FXN: variants seen among roughly 807,000 people sequenced by gnomAD.
FXN encodes frataxin, mitochondrial.
In FXN, 14 loss-of-function variants were observed where a neutral mutation model predicts 22.4. The ratio of observed to expected loss-of-function variants is 0.62; its 90% CI spans 0.41 to 0.98. The LOEUF (loss-of-function observed/expected upper bound fraction) is 0.98. Among genes scored for constraint, FXN ranks in the 50% least tolerant of loss-of-function variants. The pLI is 0.00. For synonymous variants in FXN, 120 were observed against 114.1 expected (o/e 1.05, Z -0.33); for missense variants, 267 against 268.4 (o/e 0.99, Z 0.04).
chr9:69,053,507 G>GGATGGATGGATGGATGGATGGATA (rs1191286626), intron 3 of FXN, among the ~76,000 whole-genome samples: 2 of 150,664 alleles, frequency 1.3e-5, no homozygotes, highest in African/African-American at 4.9e-5. Context: ...ATGGATGGAT[G>GGATGGATGGATGGATGGATGGATA]GATAGATAGA....
chr9:69,071,881 G>A (rs558580498), intron 4 of FXN, among the ~76,000 whole-genome samples: 1 of 152,184 alleles, frequency 6.6e-6, no homozygotes, highest in South Asian at 2.1e-4. Context: ...AAACAAAAAT[G>A]ATACAAATAA....
intron 1 of FXN, among the ~76,000 whole-genome samples, chr9:69,036,631 G>A (rs2133088501): frequency 6.6e-6 from 1 of 152,326 alleles, no homozygotes; most frequent in Middle Eastern, 3.4e-3. Context: ...TTTTCTGTAG[G>A]GAGAAGATAA....
chr9:69,073,854 C>A lies in FXN; in HGVS notation c.*1092C>A. The A allele has an allele frequency of 2.0e-6, 2 of 985,234 alleles. No individual in the cohort carries two copies. The highest frequency in any genetic ancestry group is 2.4e-6 in the Non-Finnish European group (2 of 829,852). 61.0% of individuals were successfully genotyped at this position (985,234 alleles called of 1,614,324 possible). A position where few individuals can be genotyped will look rare whatever the true frequency, so the allele number is the denominator to read the frequency against. Reference sequence around the variant, plus strand: ...ATAGGAAACATTGTTATTGGTGTTGCCCTATCGTGATTTCAGTTGAATTCA... The same window carrying A: ...ATAGGAAACATTGTTATTGGTGTTGACCTATCGTGATTTCAGTTGAATTCA... On this transcript the variant is annotated 3_prime_UTR_variant, in exon 5 of 5. Transcript: ENST00000484259.
rs1457505301 is a variant in FXN at position 69,039,027 on chromosome 9, C to T, written c.165+3080C>T. Among the ~76,000 whole-genome samples, 3 of 151,296 alleles carry T rather than the reference C, an allele frequency of 2.0e-5. No individual in the cohort carries two copies. The East Asian group carries it at 5.9e-4, about 30-fold the overall frequency. ...CAGCACTTTGGGAGGCTGAGATGGG[C>T]GGATCACCTGAGGTCAGGAGTTTGA... On this transcript the variant is annotated intron_variant, in intron 1 of 4. Coordinates refer to ENST00000484259, the MANE Select transcript of FXN (RefSeq NM_000144.5).
chr9:69,036,169 G>A (rs1368727921), intron 1 of FXN: 3 of 313,184 alleles, frequency 9.6e-6, no homozygotes, highest in African/African-American at 2.2e-5. Context: ...CGAAGGAAAA[G>A]GGGACATTTT....
chr9:69,076,729 T>C lies in FXN; in HGVS notation c.*3967T>C. On this transcript the variant is annotated 3_prime_UTR_variant, in exon 5 of 5. Coordinates refer to ENST00000484259, the MANE Select transcript of FXN (RefSeq NM_000144.5). Reference sequence around the variant, plus strand: ...CGCTTTACGCTTCCAAGGTACACACTAAGATGAAAGTAATTTTAGTCCGTG... The same window carrying C: ...CGCTTTACGCTTCCAAGGTACACACCAAGATGAAAGTAATTTTAGTCCGTG... 8.1e-6 allele frequency: 8 copies of C among 985,414 alleles called. No individual in the cohort carries two copies. Among genetic ancestry groups the C allele is most frequent in the Non-Finnish European group, 9.6e-6 (8 of 829,946 alleles). 61.0% of individuals were successfully genotyped at this position (985,414 alleles called of 1,614,324 possible). A position where few individuals can be genotyped will look rare whatever the true frequency, so the allele number is the denominator to read the frequency against.
chr9:69,058,624 A>T (rs993925229), intron 3 of FXN, among the ~76,000 whole-genome samples: 8 of 152,126 alleles, frequency 5.3e-5, no homozygotes, highest in Non-Finnish European at 1.2e-4. Context: ...ACTTTAAACA[A>T]ATTAACAGAG....
In FXN at chr9:69,076,390, G is replaced by C. The variant is rs899434503; in HGVS notation, c.*3628G>C. 3 of 985,084 alleles carry C rather than the reference G, an allele frequency of 3.0e-6. No individual in the cohort carries two copies. In the African/African-American group the frequency reaches 5.2e-5, roughly 17 times the overall value. The allele number at this position is 985,084 out of a possible 1,614,324, so 61.0% of individuals were successfully genotyped here. ...GGACTTCTCCCAAAATATGGATGACGTTCCCTACTCAACCTTGAACTTAAT... is the reference window on the plus strand; with the variant it reads ...GGACTTCTCCCAAAATATGGATGACCTTCCCTACTCAACCTTGAACTTAAT... On this transcript the variant is annotated 3_prime_UTR_variant, in exon 5 of 5. Transcript: ENST00000484259.
intron 3 of FXN, among the ~76,000 whole-genome samples, chr9:69,064,165 CTG>C (rs1025383574): frequency 1.3e-5 from 2 of 152,210 alleles, no homozygotes; most frequent in African/African-American, 4.8e-5. Flanking sequence ...AGCCCTGTAG[CTG>C]TTTCTTTCAT....
At position 69,035,826 on chromosome 9, in the gene FXN, C is replaced by G; in HGVS notation, c.44C>G (p.Ser15Ter). 2 of 1,512,970 alleles carry G rather than the reference C, an allele frequency of 1.3e-6. No homozygotes were observed. Among genetic ancestry groups the G allele is most frequent in the Non-Finnish European group, 1.8e-6 (2 of 1,137,514 alleles). The allele number at this position is 1,512,970 out of a possible 1,614,324, so 93.7% of individuals were successfully genotyped here. Residue 15 changes from serine to a stop codon, truncating the protein, a stop_gained, in exon 1 of 5, where the codon TCA (serine) becomes TGA (stop). Coordinates refer to ENST00000484259, the MANE Select transcript of FXN (RefSeq NM_000144.5). LOFTEE classifies it high-confidence loss of function. Reference protein sequence around the residue: ...GRRAVAGLLASPSPAQAQTLT... With the variant: ...GRRAVAGLLA ...CGCGCAGTAGCCGGCCTCCTGGCGTCACCCAGCCCAGCCCAGGCCCAGACC... is the reference window on the plus strand; with the variant it reads ...CGCGCAGTAGCCGGCCTCCTGGCGTGACCCAGCCCAGCCCAGGCCCAGACC...
chr9:69,067,012 G>C (rs996927718), intron 4 of FXN, among the ~76,000 whole-genome samples: 1 of 152,236 alleles, frequency 6.6e-6, no homozygotes, highest in South Asian at 2.1e-4. Context: ...GTTTCCGGCA[G>C]ATCCAGAGTG....
In FXN at chr9:69,060,135, A is replaced by G. The variant is rs188860092; in HGVS notation, c.385-4803A>G. Among the ~76,000 whole-genome samples, 262 of 152,206 alleles carry G rather than the reference A, an allele frequency of 1.7e-3. 4 individuals are homozygous for G. In the East Asian group the frequency reaches 0.041, roughly 24 times the overall value. ...TGTAATCCCAGCACTTTGGGAGGCC[A>G]AGGCGGGCGGATCACGAGGTCAGGA... On this transcript the variant is annotated intron_variant, in intron 3 of 4. Transcript: ENST00000484259.
chr9:69,042,914 C>T (rs186868070), intron 1 of FXN, among the ~76,000 whole-genome samples: 12 of 152,176 alleles, frequency 7.9e-5, no homozygotes, highest in Non-Finnish European at 1.5e-5. Flanking sequence ...GGGTTCAATC[C>T]CAGCTCTGCC....
rs1387568812 is a variant in FXN, at chr9:69,075,552, A to G, written c.*2790A>G. Reference sequence around the variant, plus strand: ...CATATTCTGTCAAGCAAACTGGAAAAGTACCACTGTGTGTACCAATAGCCT... The same window carrying G: ...CATATTCTGTCAAGCAAACTGGAAAGGTACCACTGTGTGTACCAATAGCCT... On this transcript the variant is annotated 3_prime_UTR_variant, in exon 5 of 5. Transcript: ENST00000484259. 2 of 985,150 alleles carry G rather than the reference A, an allele frequency of 2.0e-6. No homozygotes were observed. Among genetic ancestry groups the G allele is most frequent in the East Asian group, 2.3e-4 (2 of 8,822 alleles). The allele number at this position is 985,150 out of a possible 1,614,324, so 61.0% of individuals were successfully genotyped here.
chr9:69,066,627 G>A (rs1459709190), intron 4 of FXN, among the ~76,000 whole-genome samples: 2 of 152,054 alleles, frequency 1.3e-5, no homozygotes, highest in Non-Finnish European at 2.9e-5. Context: ...TCATCTCCGG[G>A]GGAACGAAGT....
At chr9:69,041,137 C>T (rs1831650911) in intron 1 of FXN, among the ~76,000 whole-genome samples, 1 of 152,246 alleles carries the variant, frequency 6.6e-6, no homozygotes, top group Non-Finnish European at 1.5e-5. Context: ...CACCCCATCA[C>T]TGCCCTGTCC....
rs1374822674 is a variant in FXN, at chr9:69,075,541, C to G, written c.*2779C>G. ...AGAATCAAAATCATATTCTGTCAAG[C>G]AAACTGGAAAAGTACCACTGTGTGT... is the stretch of plus-strand genomic sequence containing the variant. On this transcript the variant is annotated 3_prime_UTR_variant, in exon 5 of 5. Transcript: ENST00000484259. The G allele has an allele frequency of 2.8e-5, 28 of 985,022 alleles. No individual in the cohort carries two copies. The highest frequency in any genetic ancestry group is 3.4e-5 in the Non-Finnish European group (28 of 829,774). The allele number at this position is 985,022 out of a possible 1,614,324, so 61.0% of individuals were successfully genotyped here.
intron 1 of FXN, among the ~76,000 whole-genome samples, chr9:69,039,765 T>C (rs4745543): frequency 0.38 from 57,735 of 152,050 alleles, 12,004 homozygotes; most frequent in Non-Finnish European, 0.46. Context: ...TCTTAGTCCA[T>C]TTTCTGTTGC....
chr9:69,052,177 G>A (rs563691776), intron 2 of FXN, among the ~76,000 whole-genome samples: 4 of 148,192 alleles, frequency 2.7e-5, no homozygotes, highest in African/African-American at 1.0e-4. Context: ...TTTTTGAGAC[G>A]GAGTCTCACT....
Sources: allele counts gnomAD v4.1 joint callset (sites outside exome capture counted in the v4.1 genomes callset), GRCh38; gene constraint gnomAD v4.1.1; transcripts MANE v1.5; gene names NCBI Gene and HGNC (gene_info 2026-07-23, HGNC 2026-07-21).